KCNU1: variants seen among roughly 807,000 people sequenced by gnomAD.
KCNU1 encodes potassium calcium-activated channel subfamily U member 1.
A neutral mutation model predicts 126.8 loss-of-function variants in KCNU1; 93 were observed. That is an observed-to-expected ratio of 0.73 (90% CI 0.62 to 0.87). KCNU1 has a LOEUF of 0.87. Ranked by LOEUF, KCNU1 falls within the 40% of genes least tolerant of loss-of-function variation. The probability of loss-of-function intolerance (pLI) is 0.00; values close to 1 mark genes in which losing one functional copy is unlikely to be tolerated. For synonymous variants in KCNU1, 523 were observed against 494.2 expected, an observed-to-expected ratio of 1.06 and a Z score of -0.77; for missense variants, 1,330 against 1,367.1, an observed-to-expected ratio of 0.97 and a Z score of 0.43.
intron 1 of KCNU1, among the ~76,000 whole-genome samples, chr8:36,785,578 G>T (rs941129657): frequency 1.3e-5 from 2 of 152,044 alleles, no homozygotes; most frequent in East Asian, 1.9e-4. Context: ...TATAGATTTT[G>T]TTCCTAAACA....
intron 26 of KCNU1, among the ~76,000 whole-genome samples, chr8:36,934,488 C>T (rs1451871574): frequency 6.6e-6 from 1 of 151,966 alleles, no homozygotes; most frequent in Non-Finnish European, 1.5e-5. Flanking sequence ...ACCCCTCCCC[C>T]AAACACCTCT....
At chr8:36,865,650 A>G (rs2117342394) in intron 19 of KCNU1, among the ~76,000 whole-genome samples, 1 of 151,264 alleles carries the variant, frequency 6.6e-6, no homozygotes, top group East Asian at 2.0e-4. Flanking sequence ...GTGGCACACA[A>G]CTGTAGTCCT....
intron 19 of KCNU1, among the ~76,000 whole-genome samples, chr8:36,891,231 T>A (rs1461205503): frequency 6.6e-6 from 1 of 152,000 alleles, no homozygotes; most frequent in African/African-American, 2.4e-5. Context: ...CCTTGGAGAT[T>A]ACAATTAACA....
At chr8:36,798,003 A>C (rs1803168238) in intron 2 of KCNU1, among the ~76,000 whole-genome samples, 1 of 152,206 alleles carries the variant, frequency 6.6e-6, no homozygotes, top group Non-Finnish European at 1.5e-5. Flanking sequence ...TAGAGGTCAG[A>C]AAAGGGAACC....
chr8:36,935,803 A>G lies in KCNU1; in HGVS notation c.3333A>G (p.Arg1111=). The part of the protein sequence containing the change: ...FPKQIAWNQS[R]TNSIISSQIP... ...AGCAAATAGCATGGAATCAGAGTAGAACAAACAGTATTATATCATCTCAGA... is the reference window on the plus strand; with the variant it reads ...AGCAAATAGCATGGAATCAGAGTAGGACAAACAGTATTATATCATCTCAGA... The change falls in exon 27 of 27, where the codon AGA becomes AGG. Residue 1111 remains arginine (R), a synonymous_variant. Transcript: ENST00000399881. The G allele has an allele frequency of 6.2e-7, 1 of 1,613,452 alleles. No individual in the cohort carries two copies. Among genetic ancestry groups the G allele is most frequent in the South Asian group, 1.1e-5 (1 of 91,066 alleles).
Position 36,836,877 on chromosome 8 carries a change from G to T in KCNU1, c.1450G>T (p.Ala484Ser). The change falls in exon 14 of 27, where the codon GCC (alanine) becomes TCC (serine). Residue 484 changes from alanine to serine, a missense_variant. Transcript: ENST00000399881. ...TGCTGAATTAAAACTTGGATTTATC[G>T]CCCAAGGCTGTTTGGTGCCAGGCTT... ...CFAELKLGFIAQGCLVPGLCT... is the reference protein window; with the variant it reads ...CFAELKLGFISQGCLVPGLCT... 3 of 1,613,708 alleles carry T rather than the reference G, an allele frequency of 1.9e-6. No homozygotes were observed. The highest frequency in any genetic ancestry group is 2.5e-6 in the Non-Finnish European group (3 of 1,179,730).
At chr8:36,922,145 C>T (rs1295485252) in intron 23 of KCNU1, among the ~76,000 whole-genome samples, 1 of 152,122 alleles carries the variant, frequency 6.6e-6, no homozygotes, top group East Asian at 1.9e-4. Flanking sequence ...GATTCCAGGG[C>T]AATTTTCGAG....
At chr8:36,918,972 T>C (rs72634160) in intron 23 of KCNU1, 75 bp downstream of exon 23, 603 of 959,384 alleles carry the variant, frequency 6.3e-4, no homozygotes, top group Middle Eastern at 4.4e-3. Flanking sequence ...AGGATCTTTT[T>C]AGAATGCACA....
chr8:36,906,492 G>A (rs1037630554), intron 20 of KCNU1, among the ~76,000 whole-genome samples: 18 of 152,062 alleles, frequency 1.2e-4, no homozygotes, highest in African/African-American at 4.3e-4. Context: ...GTAATTTTCT[G>A]GAGTTGGAAA....
Position 36,870,376 on chromosome 8 carries a change from C to G in KCNU1, c.2009+5855C>G, listed in dbSNP as rs76868821. On this transcript the variant is annotated intron_variant, in intron 19 of 26. Transcript: ENST00000399881. ...GTCCCTATGACCTCTTATTTTCATG[C>G]CCCCTCTGCCATACATACCCTGTTG... Among the ~76,000 whole-genome samples, 960 of 152,264 alleles carry G rather than the reference C, an allele frequency of 6.3e-3. 11 individuals carry two copies. Among genetic ancestry groups the G allele is most frequent in the African/African-American group, 0.022 (917 of 41,540 alleles).
At chr8:36,917,654 C>A (rs1808169740) in intron 22 of KCNU1, among the ~76,000 whole-genome samples, 1 of 152,126 alleles carries the variant, frequency 6.6e-6, no homozygotes, top group East Asian at 1.9e-4. Flanking sequence ...CTGCACCCAA[C>A]CTTCTATTCC....
At position 36,911,014 on chromosome 8, in the gene KCNU1, C is replaced by G. The variant is rs199697768; in HGVS notation, c.2416C>G (p.Pro806Ala). Residue 806 changes from proline (P) to alanine (A), a missense_variant, in exon 22 of 27, where the codon CCA becomes GCA. Physicochemically the swap from Pro to Ala is conservative, Grantham distance 27 (BLOSUM62 -1). Transcript: ENST00000399881. ...MCAVLSPPPQ[P>A]SSNQTLVDTE... The stretch of plus-strand genomic sequence containing the variant: ...TGCTGTCTTGTCCCCCCCACCCCAG[C>G]CATCAAGCAACCAGACTTTGGTAGA... The G allele has an allele frequency of 2.8e-4, 454 of 1,613,688 alleles. 2 individuals are homozygous for G. Among genetic ancestry groups the G allele is most frequent in the Middle Eastern group, 2.8e-3 (17 of 6,062 alleles).
chr8:36,851,409 C>CTG (rs1805343931), intron 18 of KCNU1, among the ~76,000 whole-genome samples: 1 of 151,916 alleles, frequency 6.6e-6, no homozygotes. Context: ...CTCTCTCTCT[C>CTG]TCTGTCTCTC....
chr8:36,811,376 A>G (rs1425672129), intron 7 of KCNU1, among the ~76,000 whole-genome samples: 3 of 152,132 alleles, frequency 2.0e-5, no homozygotes, highest in African/African-American at 7.2e-5. Context: ...TCCAAGCAGA[A>G]CAAAACAGGG....
At chr8:36,830,509 T>C (rs1372090475) in intron 10 of KCNU1, among the ~76,000 whole-genome samples, 4 of 152,110 alleles carry the variant, frequency 2.6e-5, no homozygotes, top group Admixed American at 1.3e-4. Context: ...ATATTTTTGG[T>C]AATATGATTA....
At chr8:36,846,162 C>A (rs1334695467) in intron 18 of KCNU1, among the ~76,000 whole-genome samples, 1 of 152,222 alleles carries the variant, frequency 6.6e-6, no homozygotes, top group Non-Finnish European at 1.5e-5. Flanking sequence ...AGTCACATAG[C>A]CAGTTAGCGG....
chr8:36,819,446 CT>C (rs1210758340), intron 10 of KCNU1, among the ~76,000 whole-genome samples: 3 of 152,160 alleles, frequency 2.0e-5, no homozygotes, highest in Non-Finnish European at 4.4e-5. Flanking sequence ...TCCTGTCCCC[CT>C]CAATCCTTAT....
chr8:36,836,793 G>T lies in KCNU1; in HGVS notation c.1366G>T (p.Val456Phe), dbSNP rs754784831. Residue 456 changes from valine (V) to phenylalanine (F), a missense_variant and splice_region_variant, in exon 14 of 27, where the codon GTT (valine) becomes TTT (phenylalanine). Physicochemically the swap from Val to Phe is conservative, Grantham distance 50 (BLOSUM62 -1). This residue lies in a region of KCNU1 where 1,054 missense variants were observed against 1,053.9 expected (regional missense o/e 1.00). Coordinates refer to ENST00000399881, the MANE Select transcript of KCNU1 (RefSeq NM_001031836.3). ...TGACCTGCTTTGTGCTATGGAACAGGTTTATCTGCCAAAGATTCCCAGCTG... is the reference window on the plus strand; with the variant it reads ...TGACCTGCTTTGTGCTATGGAACAGTTTTATCTGCCAAAGATTCCCAGCTG... ...IIQILQSHNKVYLPKIPSWNW... is the reference protein window; with the variant it reads ...IIQILQSHNKFYLPKIPSWNW... The T allele has an allele frequency of 2.9e-5, 47 of 1,613,654 alleles. No homozygotes were observed. The highest frequency in any genetic ancestry group is 3.9e-5 in the Non-Finnish European group (46 of 1,179,680).
chr8:36,811,715 G>C (rs1000591303), intron 7 of KCNU1, among the ~76,000 whole-genome samples: 3 of 151,698 alleles, frequency 2.0e-5, no homozygotes, highest in African/African-American at 7.2e-5. Flanking sequence ...GCACATCATT[G>C]GAGGTCAGGG....
Sources: allele counts gnomAD v4.1 joint callset (sites outside exome capture counted in the v4.1 genomes callset), GRCh38; gene constraint gnomAD v4.1.1; regional missense constraint gnomAD v4.1.1; transcripts MANE v1.5; gene names NCBI Gene and HGNC (gene_info 2026-07-23, HGNC 2026-07-21).